The following GRIK2 variants were observed in gnomAD, a reference collection of about 807,000 sequenced individuals.
The protein encoded by GRIK2 is glutamate ionotropic receptor kainate type subunit 2.
A neutral mutation model predicts 100.3 loss-of-function variants in GRIK2; 32 were observed. That is an observed-to-expected ratio of 0.32 (90% CI 0.24 to 0.43). GRIK2 has a LOEUF of 0.43. Among genes scored for constraint, GRIK2 ranks in the 20% least tolerant of loss-of-function variants. GRIK2 has a pLI of 1.00. For missense variants in GRIK2, 843 were observed against 1,114.9 expected, an observed-to-expected ratio of 0.76 and a Z score of 3.47; for synonymous variants, 417 against 389.4, an observed-to-expected ratio of 1.07 and a Z score of -0.83.
intron 7 of GRIK2, among the ~76,000 whole-genome samples, chr6:101,740,760 G>C (rs552721524): frequency 6.6e-6 from 1 of 152,110 alleles, no homozygotes; most frequent in African/African-American, 2.4e-5. Context: ...AAGGGGAGCC[G>C]GCTGGCAAGA....
intron 2 of GRIK2, among the ~76,000 whole-genome samples, chr6:101,616,364 CAG>C (rs2128314812): frequency 6.6e-6 from 1 of 151,650 alleles, no homozygotes; most frequent in South Asian, 2.1e-4. Context: ...AATAAAAAAT[CAG>C]AAAGTCAAAA....
chr6:101,807,277 G>A (rs1343865374), intron 9 of GRIK2, among the ~76,000 whole-genome samples: 3 of 151,942 alleles, frequency 2.0e-5, no homozygotes, highest in African/African-American at 7.2e-5. Context: ...TCACCCTGAA[G>A]TCGGAAATTG....
chr6:101,804,187 A>G (rs1780842416), intron 9 of GRIK2, among the ~76,000 whole-genome samples: 1 of 151,990 alleles, frequency 6.6e-6, no homozygotes. Context: ...GAATATGTTG[A>G]ATTATTGATT....
At chr6:101,485,232 A>G (rs1042191920) in intron 2 of GRIK2, among the ~76,000 whole-genome samples, 1 of 152,202 alleles carries the variant, frequency 6.6e-6, no homozygotes, top group Non-Finnish European at 1.5e-5. Context: ...TCTTCACTTT[A>G]TAGATGAGAA....
intron 2 of GRIK2, among the ~76,000 whole-genome samples, chr6:101,470,237 AACCCCTAGTTTC>A (rs1475145743): frequency 2.0e-5 from 3 of 152,172 alleles, no homozygotes; most frequent in African/African-American, 7.2e-5. Context: ...GCAGCTCCAC[AACCCCTAGTTTC>A]TGGGATCTCC....
intron 9 of GRIK2, among the ~76,000 whole-genome samples, chr6:101,813,482 CA>C (rs1242578568): frequency 6.6e-6 from 1 of 152,058 alleles, no homozygotes; most frequent in Non-Finnish European, 1.5e-5. Flanking sequence ...AAGTGAAAAG[CA>C]AATACTCAGA....
intron 5 of GRIK2, among the ~76,000 whole-genome samples, chr6:101,677,964 T>G (rs1354900237): frequency 1.3e-5 from 2 of 152,312 alleles, no homozygotes; most frequent in African/African-American, 4.8e-5. Context: ...TGAGAGTTTT[T>G]GGGTTTTTTT....
chr6:101,734,592 T>A (rs143542530), intron 7 of GRIK2, among the ~76,000 whole-genome samples: 1 of 152,150 alleles, frequency 6.6e-6, no homozygotes, highest in East Asian at 1.9e-4. Flanking sequence ...CATGACCCTG[T>A]CAAGTTGACA....
chr6:102,042,196 A>G (rs1205426145), intron 15 of GRIK2, among the ~76,000 whole-genome samples: 3 of 151,626 alleles, frequency 2.0e-5, no homozygotes, highest in Non-Finnish European at 4.4e-5. Context: ...TATCATCTCT[A>G]AAGACATGTT....
intron 15 of GRIK2, among the ~76,000 whole-genome samples, chr6:102,050,269 A>G (rs964532379): frequency 9.9e-5 from 15 of 151,994 alleles, no homozygotes; most frequent in Non-Finnish European, 7.4e-5. Context: ...GGAAGAAGGA[A>G]AAAAGGGGGA....
Position 102,068,556 on chromosome 6 carries a change from A to G in GRIK2, c.*45A>G, listed in dbSNP as rs1467645375. 6.4e-7 allele frequency: 1 copy of G among 1,564,456 alleles called. No individual in the cohort carries two copies. The highest frequency in any genetic ancestry group is 1.7e-5 in the Admixed American group (1 of 57,736). On this transcript the variant is annotated 3_prime_UTR_variant, in exon 17 of 17. Transcript: ENST00000369134. Reference sequence around the variant, plus strand: ...CAAGCACAAACTGTCGTCTTTTTCCAAACAATTTAGCCAGAATGTTTCCTG... The same window carrying G: ...CAAGCACAAACTGTCGTCTTTTTCCGAACAATTTAGCCAGAATGTTTCCTG...
intron 10 of GRIK2, among the ~76,000 whole-genome samples, chr6:101,831,752 T>A (rs1438253195): frequency 6.6e-6 from 1 of 152,166 alleles, no homozygotes; most frequent in Non-Finnish European, 1.5e-5. Flanking sequence ...TCCTGTAGCA[T>A]TTACGGGAGT....
At chr6:101,760,521 ATAAT>A (rs796569673) in intron 7 of GRIK2, among the ~76,000 whole-genome samples, 1 of 53,440 alleles carries the variant, frequency 1.9e-5, no homozygotes, top group Non-Finnish European at 2.8e-5. Flanking sequence ...TTTATTATAT[ATAAT>A]TAATTATATT....
chr6:101,692,086 T>G (rs1161198210), intron 7 of GRIK2, among the ~76,000 whole-genome samples: 1 of 135,180 alleles, frequency 7.4e-6, no homozygotes, highest in East Asian at 2.1e-4. Flanking sequence ...AATAGAACCA[T>G]AGAGAAATAA....
At chr6:101,596,096 T>C (rs1379094440) in intron 2 of GRIK2, among the ~76,000 whole-genome samples, 2 of 151,412 alleles carry the variant, frequency 1.3e-5, no homozygotes, top group African/African-American at 2.4e-5. Context: ...CAACTTCAAA[T>C]TTTAAACTGA....
At chr6:101,673,362 C>T (rs1267129203) in intron 4 of GRIK2, among the ~76,000 whole-genome samples, 4 of 152,158 alleles carry the variant, frequency 2.6e-5, no homozygotes, top group Non-Finnish European at 5.9e-5. Flanking sequence ...CTATTTCTTT[C>T]CCCGGTTCTT....
intron 7 of GRIK2, among the ~76,000 whole-genome samples, chr6:101,715,113 T>A (rs2128361382): frequency 6.6e-6 from 1 of 151,962 alleles, no homozygotes; most frequent in African/African-American, 2.4e-5. Flanking sequence ...AAGTAAAATT[T>A]AGAAATGTTC....
At chr6:101,443,619 A>C (rs1770203370) in intron 2 of GRIK2, among the ~76,000 whole-genome samples, 3 of 152,124 alleles carry the variant, frequency 2.0e-5, no homozygotes, top group Admixed American at 2.0e-4. Context: ...TCATTTAAGA[A>C]ATGATTAATA....
intron 7 of GRIK2, among the ~76,000 whole-genome samples, chr6:101,750,181 G>A (rs943957292): frequency 7.9e-5 from 12 of 152,118 alleles, no homozygotes; most frequent in African/African-American, 2.2e-4. Flanking sequence ...ATAATTACCC[G>A]GTTGAGGTAT....
Sources: allele counts gnomAD v4.1 joint callset (sites outside exome capture counted in the v4.1 genomes callset), GRCh38; gene constraint gnomAD v4.1.1; transcripts MANE v1.5; gene names NCBI Gene and HGNC (gene_info 2026-07-23, HGNC 2026-07-21).